WNT2: variants seen among roughly 807,000 people sequenced by gnomAD.
WNT2 encodes the protein Wnt family member 2.
Under a neutral mutation model 36.9 loss-of-function variants are expected in WNT2, and 12 were observed. The ratio of observed to expected loss-of-function variants is 0.33; its 90% CI spans 0.21 to 0.53. The LOEUF (loss-of-function observed/expected upper bound fraction) is 0.53, where lower values mean the gene tolerates loss of function less well. WNT2 is among the 20% of genes least tolerant of loss of function. The probability of loss-of-function intolerance (pLI) is 0.95; values close to 1 mark genes in which losing one functional copy is unlikely to be tolerated. For synonymous variants in WNT2, 163 were observed against 174.6 expected (o/e 0.93, Z 0.52); for missense variants, 379 against 473.1 (o/e 0.80, Z 1.84).
chr7:117,280,857 A>C (rs1373991209), intron 4 of WNT2, among the ~76,000 whole-genome samples: 1 of 152,266 alleles, frequency 6.6e-6, no homozygotes, highest in Non-Finnish European at 1.5e-5. Flanking sequence ...GTGTTTATTG[A>C]GTGACTACTA....
intron 3 of WNT2, among the ~76,000 whole-genome samples, chr7:117,300,578 T>C (rs915905359): frequency 6.6e-5 from 10 of 152,092 alleles, no homozygotes; most frequent in African/African-American, 2.4e-4. Flanking sequence ...GGCAAAAGGA[T>C]CACTTGATCC....
chr7:117,311,967 G>A (rs1278890630), intron 3 of WNT2, among the ~76,000 whole-genome samples: 1 of 152,136 alleles, frequency 6.6e-6, no homozygotes, highest in East Asian at 1.9e-4. Flanking sequence ...TTTAGGGAAA[G>A]TATTTTCATG....
At chr7:117,280,550 A>G (rs1347165698) in intron 4 of WNT2, among the ~76,000 whole-genome samples, 5 of 152,188 alleles carry the variant, frequency 3.3e-5, no homozygotes. Context: ...ACTGTAACCC[A>G]CAGTACAGTC....
At chr7:117,299,983 T>C (rs1794871945) in intron 3 of WNT2, among the ~76,000 whole-genome samples, 1 of 152,164 alleles carries the variant, frequency 6.6e-6, no homozygotes, top group South Asian at 2.1e-4. Flanking sequence ...TTGCTAACAG[T>C]TTTTGTTCAG....
intron 1 of WNT2, 53 bp from the exon 2 acceptor site, chr7:117,320,846 G>T (rs887988670): frequency 1.3e-6 from 2 of 1,492,546 alleles, no homozygotes; most frequent in African/African-American, 1.4e-5. Context: ...AGGGAGGCCT[G>T]GCTCAGTGTT....
At chr7:117,298,929 T>C (rs974034731) in intron 3 of WNT2, among the ~76,000 whole-genome samples, 1 of 152,166 alleles carries the variant, frequency 6.6e-6, no homozygotes. Context: ...TCTCCCCAGG[T>C]CGGGCCTTGG....
In WNT2 at chr7:117,313,106, C is replaced by T. The variant is rs560641039; in HGVS notation, c.588+1965G>A. On this transcript the variant is annotated intron_variant, in intron 3 of 4. Transcript: ENST00000265441. The stretch of plus-strand genomic sequence containing the variant: ...AGAGCCAAGCCAGTTGGAGGCTTAG[C>T]TCAGGAGGCCTGCCTTCAAACAAGC... 1.1e-4 allele frequency among the ~76,000 whole-genome samples: 17 copies of T among 152,342 alleles called. No homozygotes were observed. In the East Asian group the frequency reaches 1.9e-3, roughly 17 times the overall value.
chr7:117,317,933 T>C (rs1795250914), intron 2 of WNT2, among the ~76,000 whole-genome samples: 1 of 152,218 alleles, frequency 6.6e-6, no homozygotes, highest in South Asian at 2.1e-4. Context: ...CTTTGTGTTT[T>C]CTAAGGCTAA....
intron 2 of WNT2, among the ~76,000 whole-genome samples, chr7:117,319,839 C>G (rs1454430998): frequency 6.6e-6 from 1 of 152,206 alleles, no homozygotes; most frequent in Non-Finnish European, 1.5e-5. Flanking sequence ...TTTCCCACCT[C>G]TATCCTCCAT....
chr7:117,280,590 C>T (rs1277587336), intron 4 of WNT2, among the ~76,000 whole-genome samples: 1 of 152,174 alleles, frequency 6.6e-6, no homozygotes, highest in Non-Finnish European at 1.5e-5. Context: ...AAACAGAGCT[C>T]AAAGACAGTC....
chr7:117,278,479 A>C, intron 4 of WNT2, 95 bp from the exon 5 acceptor site: 1 of 1,212,054 alleles, frequency 8.3e-7, no homozygotes, highest in South Asian at 1.5e-5. Flanking sequence ...TCCAGGACAG[A>C]GCCCTGACCC....
Position 117,322,836 on chromosome 7 carries a change from AG to A in WNT2, c.83+70del. On this transcript the variant is annotated intron_variant, in intron 1 of 4. Transcript: ENST00000265441. The surrounding 1 kb of genome is among the most constrained non-coding windows in gnomAD (Gnocchi z 5.4). ...CGGCCGCGGGGGAACGCAGCCAGGA[AG>A]GGTCTATGTGGCCAATGCGGTCCCC... 6.7e-7 allele frequency: 1 copy of A among 1,500,304 alleles called. No individual in the cohort carries two copies. Among genetic ancestry groups the A allele is most frequent in the Non-Finnish European group, 9.2e-7 (1 of 1,081,474 alleles). 92.9% of individuals were successfully genotyped at this position (1,500,304 alleles called of 1,614,324 possible). A position where few individuals can be genotyped will look rare whatever the true frequency, so the allele number is the denominator to read the frequency against.
intron 2 of WNT2, among the ~76,000 whole-genome samples, chr7:117,315,700 T>G (rs1795202488): frequency 6.6e-6 from 1 of 152,234 alleles, no homozygotes; most frequent in South Asian, 2.1e-4. Flanking sequence ...GAGAGGAGCA[T>G]AGCATCTCTA....
At position 117,284,880 on chromosome 7, in the gene WNT2, C is replaced by G. The variant is rs1794554287; in HGVS notation, c.854-6496G>C. ...AGATTAAGTAACTTGCCCAAGATCA[C>G]ACAGGCAGCTGGTGGCAAGGACAAG... On this transcript the variant is annotated intron_variant, in intron 4 of 4. Transcript: ENST00000265441. The surrounding 1 kb of genome is among the most constrained non-coding windows in gnomAD (Gnocchi z 5.2). 6.6e-6 allele frequency among the ~76,000 whole-genome samples: 1 copy of G among 152,248 alleles called. No individual in the cohort carries two copies. The highest frequency in any genetic ancestry group is 1.5e-5 in the Non-Finnish European group (1 of 68,042).
At position 117,284,988 on chromosome 7, in the gene WNT2, T is replaced by C. The variant is rs1794555379; in HGVS notation, c.854-6604A>G. 6.6e-6 allele frequency among the ~76,000 whole-genome samples: 1 copy of C among 152,258 alleles called. No individual in the cohort carries two copies. The highest frequency in any genetic ancestry group is 1.5e-5 in the Non-Finnish European group (1 of 68,038). On this transcript the variant is annotated intron_variant, in intron 4 of 4. Coordinates refer to ENST00000265441, the MANE Select transcript of WNT2 (RefSeq NM_003391.3). This position sits in a 1 kb window ranked among gnomAD's most constrained non-coding sequence, Gnocchi z 5.2. The stretch of plus-strand genomic sequence containing the variant: ...TGACCCTTTGCCGAGTGCCCAGTCC[T>C]GGTGCCCGGCCAGGCACCAGAAAGC...
Position 117,277,996 on chromosome 7 carries a change from C to A in WNT2, c.*159G>T, listed in dbSNP as rs550462406. On this transcript the variant is annotated 3_prime_UTR_variant, in exon 5 of 5. Transcript: ENST00000265441. ...GCTTTAGGTGCAGCGTGTGGCCCCC[C>A]CATCCTGGGGCCCCCAGGGAGGAAG... 5.4e-6 allele frequency: 4 copies of A among 743,496 alleles called. No homozygotes were observed. The highest frequency in any genetic ancestry group is 4.4e-6 in the Non-Finnish European group (2 of 457,670). 46.1% of individuals were successfully genotyped at this position (743,496 alleles called of 1,614,324 possible).
At chr7:117,297,968 C>G in intron 3 of WNT2, 92 bp from the exon 4 acceptor site, 1 of 1,467,936 alleles carries the variant, frequency 6.8e-7, no homozygotes, top group Non-Finnish European at 9.1e-7. Flanking sequence ...AGAAGTGATT[C>G]TCAGGATGCT....
At chr7:117,315,485 G>A (rs541003169) in intron 2 of WNT2, 137 bp from the exon 3 acceptor site, 2 of 925,922 alleles carry the variant, frequency 2.2e-6, no homozygotes, top group East Asian at 2.6e-5. Context: ...ATTCTTGAAG[G>A]GTTCTTTTCT....
At chr7:117,318,095 G>T (rs1389869138) in intron 2 of WNT2, among the ~76,000 whole-genome samples, 4 of 152,146 alleles carry the variant, frequency 2.6e-5, no homozygotes, top group Non-Finnish European at 5.9e-5. Flanking sequence ...ACTCTCTAAA[G>T]TCAAACAGGC....
Sources: gnomAD v4.1 joint callset for allele counts (sites outside exome capture counted in the v4.1 genomes callset) on GRCh38, gnomAD v4.1.1 for gene constraint, Gnocchi (gnomAD v3.1) non-coding constraint, MANE v1.5 for transcripts, NCBI Gene and HGNC (gene_info 2026-07-23, HGNC 2026-07-21) for gene names.